Variants in PECAM1 observed in about 807,000 individuals in gnomAD.
The protein encoded by PECAM1 is platelet and endothelial cell adhesion molecule 1.
A neutral mutation model predicts 13.8 loss-of-function variants in PECAM1; 8 were observed. That is an observed-to-expected ratio of 0.58 (90% confidence interval 0.34 to 1.05). The LOEUF (loss-of-function observed/expected upper bound fraction) is 1.05, where lower values mean the gene tolerates loss of function less well. PECAM1 is among the 50% of genes least tolerant of loss of function. PECAM1 has a pLI of 0.03. For synonymous variants in PECAM1, 136 were observed against 52.6 expected, an observed-to-expected ratio of 2.58 and a Z score of -6.86; for missense variants, 304 against 141.2, an observed-to-expected ratio of 2.15 and a Z score of -5.84.
rs1345035459 is a variant in PECAM1 at position 64,350,386 on chromosome 17, T to C, written c.2038A>G (p.Asn680Asp). 7 of 419,464 alleles carry C rather than the reference T, an allele frequency of 1.7e-5. No homozygotes were observed. The highest frequency in any genetic ancestry group is 1.4e-4 in the African/African-American group (7 of 48,960). The allele number at this position is 419,464 out of a possible 1,614,324, so 26.0% of individuals were successfully genotyped here. ...CATGTAATTAGATAATTACCTTTATTATCATTTATTGGTTTCATTGCATGG... is the reference window on the plus strand; with the variant it reads ...CATGTAATTAGATAATTACCTTTATCATCATTTATTGGTTTCATTGCATGG... Reference protein sequence around the residue: ...RNHAMKPINDNKEPLNSDVQY... With the variant: ...RNHAMKPINDDKEPLNSDVQY... The change falls in exon 12 of 16, where the codon AAT becomes GAT. Residue 680 changes from asparagine to aspartate, a missense_variant. Physicochemically the swap from Asn to Asp is conservative, Grantham distance 23. Coordinates refer to ENST00000563924, the MANE Select transcript of PECAM1 (RefSeq NM_000442.5).
In PECAM1 at chr17:64,323,159, G is replaced by C; in HGVS notation, c.*657C>G. ...AAGAGTGTAGACAAAAACAGTTGAA[G>C]AACATCTGTGCTTGTTCCACCTTCA... On this transcript the variant is annotated 3_prime_UTR_variant, in exon 16 of 16. Transcript: ENST00000563924. The C allele has an allele frequency of 5.1e-6, 5 of 986,172 alleles. No homozygotes were observed. The highest frequency in any genetic ancestry group is 6.0e-6 in the Non-Finnish European group (5 of 830,510). The allele number at this position is 986,172 out of a possible 1,614,324, so 61.1% of individuals were successfully genotyped here. A position where few individuals can be genotyped will look rare whatever the true frequency, so the allele number is the denominator to read the frequency against.
At chr17:64,371,200 G>A (rs1473549231) in intron 4 of PECAM1, among the ~76,000 whole-genome samples, 3 of 152,106 alleles carry the variant, frequency 2.0e-5, no homozygotes, top group African/African-American at 7.2e-5. Flanking sequence ...ATCTTGACAT[G>A]CAGAAGACCT....
rs782771887 is a variant in PECAM1, at chr17:64,323,835, C to A, written c.2198G>T (p.Gly733Val). ...AVESRYSRTE[G>V]SLDGT ...TGCTGTCTAAGTTCCATCAAGGGAG[C>A]CTTCCGTTCTCTGTAGCGACAAGAA... is the stretch of plus-strand genomic sequence containing the variant. The change falls in exon 16 of 16, where the codon GGC becomes GTC. Residue 733 changes from glycine to valine, a missense_variant. Transcript: ENST00000563924. The A allele has an allele frequency of 3.7e-6, 3 of 821,338 alleles. No individual in the cohort carries two copies. Among genetic ancestry groups the A allele is most frequent in the Non-Finnish European group, 4.4e-6 (2 of 455,232 alleles). 50.9% of individuals were successfully genotyped at this position (821,338 alleles called of 1,614,324 possible).
chr17:64,381,860 G>A (rs1279537380), intron 2 of PECAM1, among the ~76,000 whole-genome samples: 2 of 152,168 alleles, frequency 1.3e-5, no homozygotes, highest in East Asian at 3.8e-4. Flanking sequence ...CAGCACTTTG[G>A]GAGGCCGAGG....
intron 7 of PECAM1, among the ~76,000 whole-genome samples, chr17:64,359,030 T>G (rs2035912077): frequency 6.6e-6 from 1 of 152,128 alleles, no homozygotes. Flanking sequence ...ATTCCTGACC[T>G]CAGGTGATCC....
chr17:64,349,668 C>T (rs1317641477), intron 12 of PECAM1, among the ~76,000 whole-genome samples: 1 of 146,316 alleles, frequency 6.8e-6, no homozygotes, highest in Non-Finnish European at 1.5e-5. Flanking sequence ...GGGCAGATAA[C>T]AAGGTCAGGA....
intron 12 of PECAM1, 122 bp downstream of exon 12, chr17:64,350,258 C>T (rs1429944832): frequency 1.5e-5 from 6 of 389,608 alleles, no homozygotes; most frequent in Non-Finnish European, 2.4e-5. Context: ...CGGCTGGGTA[C>T]AGGGTCATTA....
intron 13 of PECAM1, among the ~76,000 whole-genome samples, chr17:64,346,856 C>G (rs1435283367): frequency 6.6e-6 from 1 of 152,140 alleles, no homozygotes; most frequent in Admixed American, 6.6e-5. Context: ...CTTTCAAAAG[C>G]CTTTACCTAA....
chr17:64,354,978 G>C lies in PECAM1; in HGVS notation c.1843C>G (p.Leu615Val), dbSNP rs956311271. ...TAACATTTGGCCGCAATGATCAAGA[G>C]AGCAATGATCACTCCGATGATAACC... is the stretch of plus-strand genomic sequence containing the variant. ...AVVIIGVIIA[L>V]LIIAAKCYFL... Residue 615 changes from leucine to valine, a missense_variant, in exon 9 of 16, where the codon CTC (leucine) becomes GTC (valine). Physicochemically the swap from Leu to Val is conservative, Grantham distance 32. Coordinates refer to ENST00000563924, the MANE Select transcript of PECAM1 (RefSeq NM_000442.5). 4.2e-6 allele frequency: 2 copies of C among 475,264 alleles called. No individual in the cohort carries two copies. The highest frequency in any genetic ancestry group is 3.1e-5 in the East Asian group (1 of 32,056). 29.4% of individuals were successfully genotyped at this position (475,264 alleles called of 1,614,324 possible).
rs2035937948 is a variant in PECAM1 at position 64,360,050 on chromosome 17, C to T, written c.1492+90G>A. The T allele has an allele frequency of 1.7e-5, 8 of 474,690 alleles. No individual in the cohort carries two copies. The South Asian group carries it at 2.1e-4, about 12-fold the overall frequency. 29.4% of individuals were successfully genotyped at this position (474,690 alleles called of 1,614,324 possible). A position where few individuals can be genotyped will look rare whatever the true frequency, so the allele number is the denominator to read the frequency against. ...TACAGGCATGAGCCACCGCACCTGG[C>T]CCCCTACTTCTCTTATTGTTCCCAC... On this transcript the variant is annotated intron_variant, in intron 7 of 15. Transcript: ENST00000563924.
At chr17:64,331,807 G>A (rs1208527099) in intron 14 of PECAM1, among the ~76,000 whole-genome samples, 2 of 152,234 alleles carry the variant, frequency 1.3e-5, no homozygotes, top group Non-Finnish European at 2.9e-5. Flanking sequence ...AGAAGTCATG[G>A]GGACCTCACC....
At chr17:64,386,874 G>A (rs1473598036) in intron 2 of PECAM1, among the ~76,000 whole-genome samples, 1 of 152,184 alleles carries the variant, frequency 6.6e-6, no homozygotes, top group Non-Finnish European at 1.5e-5. Flanking sequence ...GACATCAAAG[G>A]TCAGCCTGTG....
chr17:64,353,556 A>G (rs1273986852), intron 9 of PECAM1, 38 bp from the exon 10 acceptor site: 1 of 462,366 alleles, frequency 2.2e-6, no homozygotes, highest in Non-Finnish European at 4.0e-6. Flanking sequence ...GTCAGTATAC[A>G]GTACCCACAT....
intron 2 of PECAM1, among the ~76,000 whole-genome samples, chr17:64,386,563 G>A (rs1332818537): frequency 1.3e-5 from 2 of 152,096 alleles, no homozygotes; most frequent in Non-Finnish European, 2.9e-5. Flanking sequence ...TTGGATATGG[G>A]GTTGAAAGAA....
intron 14 of PECAM1, among the ~76,000 whole-genome samples, chr17:64,341,229 A>G (rs2035420946): frequency 6.6e-6 from 1 of 151,606 alleles, no homozygotes; most frequent in Non-Finnish European, 1.5e-5. Flanking sequence ...GCACCACTGC[A>G]CTCCAGCCTG....
chr17:64,373,552 GT>G, intron 4 of PECAM1, among the ~76,000 whole-genome samples: 1 of 151,652 alleles, frequency 6.6e-6, no homozygotes, highest in Non-Finnish European at 1.5e-5. Flanking sequence ...GTGTGTGTGT[GT>G]GGCTGGGTGT....
Position 64,322,094 on chromosome 17 carries a change from G to T in PECAM1, c.*1722C>A. The T allele has an allele frequency of 6.3e-6, 7 of 1,106,546 alleles. No homozygotes were observed. Among genetic ancestry groups the T allele is most frequent in the Non-Finnish European group, 7.9e-6 (7 of 891,470 alleles). The allele number at this position is 1,106,546 out of a possible 1,614,324, so 68.5% of individuals were successfully genotyped here. A position where few individuals can be genotyped will look rare whatever the true frequency, so the allele number is the denominator to read the frequency against. On this transcript the variant is annotated 3_prime_UTR_variant, in exon 16 of 16. Coordinates refer to ENST00000563924, the MANE Select transcript of PECAM1 (RefSeq NM_000442.5). ...ATATTGTCAAAAGAGTCTAGGCTGGGCATGGTGGCTCACGCCTGCAATCCC... is the reference window on the plus strand; with the variant it reads ...ATATTGTCAAAAGAGTCTAGGCTGGTCATGGTGGCTCACGCCTGCAATCCC...
chr17:64,367,005 T>TG (rs2036123430), intron 5 of PECAM1, among the ~76,000 whole-genome samples: 1 of 47,210 alleles, frequency 2.1e-5, no homozygotes, highest in South Asian at 1.7e-3. Flanking sequence ...AAACTCCATT[T>TG]CAAAAAAAAA....
At chr17:64,347,217 TA>T (rs1353501370) in intron 13 of PECAM1, among the ~76,000 whole-genome samples, 1 of 151,920 alleles carries the variant, frequency 6.6e-6, no homozygotes. Context: ...TTTCTTTAAT[TA>T]ATTTTTAAAA....
Sources: gnomAD v4.1 joint callset for allele counts (sites outside exome capture counted in the v4.1 genomes callset) on GRCh38, gnomAD v4.1.1 for gene constraint, MANE v1.5 for transcripts, NCBI Gene and HGNC (gene_info 2026-07-23, HGNC 2026-07-21) for gene names.